The following ELMO2 variants were observed in gnomAD, a reference collection of about 807,000 sequenced individuals.
ELMO2 encodes engulfment and cell motility protein 2.
ELMO2 carries 37 observed loss-of-function variants against 96.2 expected under a neutral mutation model. That is an observed-to-expected ratio of 0.38 (90% CI 0.30 to 0.51). The LOEUF is 0.51. Among genes scored for constraint, ELMO2 ranks in the 20% least tolerant of loss-of-function variants. The probability of loss-of-function intolerance (pLI) is 0.88; values close to 1 mark genes in which losing one functional copy is unlikely to be tolerated. For synonymous variants in ELMO2, 315 were observed against 329.4 expected (o/e 0.96, Z 0.47); for missense variants, 561 against 912.6 (o/e 0.61, Z 4.96).
chr20:46,382,159 C>T, intron 10 of ELMO2: 1 of 1,287,198 alleles, frequency 7.8e-7, no homozygotes, highest in South Asian at 1.2e-5. Context: ...CTTTGACTTC[C>T]CCACCTGCAA....
intron 10 of ELMO2, among the ~76,000 whole-genome samples, chr20:46,382,611 A>G (rs2059976134): frequency 6.6e-6 from 1 of 152,222 alleles, no homozygotes; most frequent in Non-Finnish European, 1.5e-5. Flanking sequence ...AAGAGGTTAC[A>G]AACACTTGTC....
rs546167090 is a variant in ELMO2 at position 46,390,036 on chromosome 20, C to T, written c.244-816G>A. ...GGCATGGTGGCATGCGCCTGTAATC[C>T]CAGCTACTCAGGAGGCTGAGGCAGG... is the stretch of plus-strand genomic sequence containing the variant. On this transcript the variant is annotated intron_variant, in intron 6 of 21. Transcript: ENST00000290246. Among the ~76,000 whole-genome samples the T allele has an allele frequency of 2.0e-5, 3 of 151,948 alleles. No homozygotes were observed. The South Asian group carries it at 6.2e-4, about 32-fold the overall frequency.
In ELMO2 at chr20:46,375,673, C is replaced by A; in HGVS notation, c.925G>T (p.Asp309Tyr). 6.2e-7 allele frequency: 1 copy of A among 1,614,078 alleles called. No homozygotes were observed. Among genetic ancestry groups the A allele is most frequent in the South Asian group, 1.1e-5 (1 of 91,050 alleles). Residue 309 changes from aspartate (D) to tyrosine (Y), a missense_variant, in exon 12 of 22, where the codon GAC becomes TAC. Coordinates refer to ENST00000290246, the MANE Select transcript of ELMO2 (RefSeq NM_133171.5). This position sits in a 1 kb window ranked among gnomAD's most constrained non-coding sequence, Gnocchi z 4.6. ...CTGCCCCACTTAGCACCTACCTGGT[C>A]ATTGGGGTCCATCTTGGTCATCATC... ...ERMMTKMDPN[D>Y]QAQRDIIFEL...
rs370814852 is a variant in ELMO2, at chr20:46,387,318, C to A, written c.525+20G>T. On this transcript the variant is annotated intron_variant, in intron 8 of 21. Coordinates refer to ENST00000290246, the MANE Select transcript of ELMO2 (RefSeq NM_133171.5). ...TGGCAGCTGAGGGAGGAGAGAAAGA[C>A]AGAATGTTGGAGGCCTCACCTGCTT... 8.7e-6 allele frequency: 14 copies of A among 1,608,372 alleles called. No individual in the cohort carries two copies. Among genetic ancestry groups the A allele is most frequent in the East Asian group, 4.5e-5 (2 of 44,854 alleles).
chr20:46,374,506 G>T (rs2059813056), intron 14 of ELMO2, 30 bp downstream of exon 14: 17 of 1,611,334 alleles, frequency 1.1e-5, no homozygotes, highest in Non-Finnish European at 1.4e-5. Flanking sequence ...GTGGCACCAG[G>T]ACTGAGAAGG....
intron 2 of ELMO2, among the ~76,000 whole-genome samples, chr20:46,396,969 C>G (rs2060254109): frequency 6.6e-6 from 1 of 152,164 alleles, no homozygotes; most frequent in Non-Finnish European, 1.5e-5. Context: ...AAGTTACACC[C>G]TTCCTTAATT....
At chr20:46,399,063 A>C (rs1254778903) in intron 1 of ELMO2, among the ~76,000 whole-genome samples, 1 of 152,214 alleles carries the variant, frequency 6.6e-6, no homozygotes, top group Non-Finnish European at 1.5e-5. Context: ...AGAGGAGTTA[A>C]GTAGAAGGCT....
chr20:46,393,032 T>C (rs2060178553), intron 6 of ELMO2, 61 bp downstream of exon 6: 1 of 1,434,242 alleles, frequency 7.0e-7, no homozygotes, highest in South Asian at 1.2e-5. Flanking sequence ...GTCTGGCCCA[T>C]GGTAGGTGCT....
Position 46,368,053 on chromosome 20 carries a change from G to A in ELMO2, c.1963-493C>T, listed in dbSNP as rs142152488. On this transcript the variant is annotated intron_variant, in intron 21 of 21. Transcript: ENST00000290246. ...GAACTGGTGGGTCTCATGCTAAGAG[G>A]GGGTGACCAGGAAGCCTTCTGATCC... 2.3e-3 allele frequency among the ~76,000 whole-genome samples: 355 copies of A among 152,172 alleles called. 1 individual carries two copies. The highest frequency in any genetic ancestry group is 4.2e-3 in the Non-Finnish European group (285 of 67,988).
Position 46,375,481 on chromosome 20 carries a change from T to A in ELMO2, c.931-111A>T, listed in dbSNP as rs1277235668. The A allele has an allele frequency of 1.3e-6, 2 of 1,506,914 alleles. No individual in the cohort carries two copies. Among genetic ancestry groups the A allele is most frequent in the Admixed American group, 4.0e-5 (2 of 50,406 alleles). 93.3% of individuals were successfully genotyped at this position (1,506,914 alleles called of 1,614,324 possible). On this transcript the variant is annotated intron_variant, in intron 12 of 21. Coordinates refer to ENST00000290246, the MANE Select transcript of ELMO2 (RefSeq NM_133171.5). The surrounding 1 kb of genome is among the most constrained non-coding windows in gnomAD (Gnocchi z 4.6). ...CAAACTTTGGCCCCAATCAATCCCT[T>A]AGGAGGCATCACCTCTACCACAGCA... is the stretch of plus-strand genomic sequence containing the variant.
intron 19 of ELMO2, 92 bp from the exon 20 acceptor site, chr20:46,370,617 G>A: frequency 1.7e-6 from 2 of 1,204,482 alleles, no homozygotes. Flanking sequence ...TGGGGCAGAT[G>A]CATAGGAAGC....
chr20:46,373,317 T>C (rs1273623095), intron 16 of ELMO2, 82 bp downstream of exon 16: 4 of 1,573,120 alleles, frequency 2.5e-6, no homozygotes, highest in Non-Finnish European at 3.5e-6. Flanking sequence ...GCTCAGGGAT[T>C]CTCCAGGTGC....
In ELMO2 at chr20:46,393,121, C is replaced by T. The variant is rs1368932281; in HGVS notation, c.215G>A (p.Gly72Glu). 6.2e-7 allele frequency: 1 copy of T among 1,613,786 alleles called. No homozygotes were observed. The highest frequency in any genetic ancestry group is 8.5e-7 in the Non-Finnish European group (1 of 1,179,914). The change falls in exon 6 of 22, where the codon GGG (glycine) becomes GAG (glutamate). Residue 72 changes from glycine to glutamate, a missense_variant. Physicochemically the swap from Gly to Glu is moderately conservative, Grantham distance 98. Coordinates refer to ENST00000290246, the MANE Select transcript of ELMO2 (RefSeq NM_133171.5). Reference protein sequence around the residue: ...TEQTRSDIKNGTILQLAISPS... With the variant: ...TEQTRSDIKNETILQLAISPS... ...GGAGATAGCCAGTTGTAAGATTGTCCCATTCTTAATGTCACTGCGAGTCTG... is the reference window on the plus strand; with the variant it reads ...GGAGATAGCCAGTTGTAAGATTGTCTCATTCTTAATGTCACTGCGAGTCTG...
chr20:46,383,517 G>A (rs1400001439), intron 9 of ELMO2, 23 bp from the exon 10 acceptor site: 9 of 1,603,036 alleles, frequency 5.6e-6, no homozygotes, highest in Non-Finnish European at 7.7e-6. Flanking sequence ...AGAAAGAAGA[G>A]AGAGGGAGAT....
chr20:46,396,822 A>C (rs924610656), intron 2 of ELMO2, among the ~76,000 whole-genome samples: 7 of 152,120 alleles, frequency 4.6e-5, no homozygotes, highest in African/African-American at 1.7e-4. Context: ...ACCAAATCTC[A>C]GTTTTCTTCT....
rs534612375 is a variant in ELMO2 at position 46,404,159 on chromosome 20, G to A, written c.-126+2389C>T. The stretch of plus-strand genomic sequence containing the variant: ...GCACCTCTGAGATGCTGCATGGTAT[G>A]TGTTTTTTTCTATCCAGGTCCTGGG... On this transcript the variant is annotated intron_variant, in intron 1 of 21. Transcript: ENST00000290246. 1.7e-4 allele frequency among the ~76,000 whole-genome samples: 26 copies of A among 152,320 alleles called. No homozygotes were observed. The Middle Eastern group carries it at 0.017, about 100-fold the overall frequency.
Position 46,367,453 on chromosome 20 carries a change from C to A in ELMO2, c.2070G>T (p.Arg690=). 6.2e-7 allele frequency: 1 copy of A among 1,613,536 alleles called. No individual in the cohort carries two copies. Among genetic ancestry groups the A allele is most frequent in the Admixed American group, 1.7e-5 (1 of 59,922 alleles). ...TCTGGATGTTCTCCAGGTCCAGGAG[C>A]CGCAGCTTCATCTCCATGCTCAGCA... The part of the protein sequence containing the change: ...DTLLSMEMKL[R]LLDLENIQIP... Residue 690 remains arginine (R), a synonymous_variant, in exon 22 of 22, where the codon CGG becomes CGT. Transcript: ENST00000290246.
At position 46,389,240 on chromosome 20, in the gene ELMO2, A is replaced by G. The variant is rs1293103725; in HGVS notation, c.244-20T>C. 5.6e-6 allele frequency: 9 copies of G among 1,609,698 alleles called. No homozygotes were observed. The highest frequency in any genetic ancestry group is 6.8e-6 in the Non-Finnish European group (8 of 1,177,584). On this transcript the variant is annotated intron_variant, in intron 6 of 21. Coordinates refer to ENST00000290246, the MANE Select transcript of ELMO2 (RefSeq NM_133171.5). The stretch of plus-strand genomic sequence containing the variant: ...CCGGGACTAGGAGGCCAGGGACAAG[A>G]TATGTGCCATCTGCTCCTTGGAGCA...
Position 46,375,528 on chromosome 20 carries a change from A to T in ELMO2, c.930+140T>A. ...AGCAGGACAGAAATGGGCTTGGCTCATGGTGCAGATCATGCTAGATTTTCT... is the reference window on the plus strand; with the variant it reads ...AGCAGGACAGAAATGGGCTTGGCTCTTGGTGCAGATCATGCTAGATTTTCT... On this transcript the variant is annotated intron_variant, in intron 12 of 21. Coordinates refer to ENST00000290246, the MANE Select transcript of ELMO2 (RefSeq NM_133171.5). This position sits in a 1 kb window ranked among gnomAD's most constrained non-coding sequence, Gnocchi z 4.6. 1 of 1,490,760 alleles carries T rather than the reference A, an allele frequency of 6.7e-7. No homozygotes were observed. The highest frequency in any genetic ancestry group is 9.1e-7 in the Non-Finnish European group (1 of 1,096,808). 92.3% of individuals were successfully genotyped at this position (1,490,760 alleles called of 1,614,324 possible). A position where few individuals can be genotyped will look rare whatever the true frequency, so the allele number is the denominator to read the frequency against.
Sources: gnomAD v4.1 joint callset for allele counts (sites outside exome capture counted in the v4.1 genomes callset) on GRCh38, gnomAD v4.1.1 for gene constraint, Gnocchi (gnomAD v3.1) non-coding constraint, MANE v1.5 for transcripts, NCBI Gene and HGNC (gene_info 2026-07-23, HGNC 2026-07-21) for gene names.